Variants in MS4A13 observed in about 807,000 individuals in gnomAD.
The protein encoded by MS4A13 is membrane-spanning 4-domains subfamily A member 13.
A neutral mutation model predicts 18.4 loss-of-function variants in MS4A13; 21 were observed. The observed-to-expected ratio is 1.14, with a 90% CI of 0.81 to 1.64. The LOEUF (loss-of-function observed/expected upper bound fraction) is 1.64, where lower values mean the gene tolerates loss of function less well. Among genes scored for constraint, MS4A13 ranks in the 40% most tolerant of loss-of-function variants. The pLI, the probability that MS4A13 is intolerant of heterozygous loss-of-function variation, is 0.00. For missense variants in MS4A13, 173 were observed against 176.8 expected (o/e 0.98, Z 0.12); for synonymous variants, 62 against 57.2 (o/e 1.08, Z -0.38).
At position 60,529,255 on chromosome 11, in the gene MS4A13, C is replaced by CTTTTT. The variant is rs10667098; in HGVS notation, c.307-94_307-90dup. The CTTTTT allele has an allele frequency of 2.3e-4, 39 of 172,226 alleles. 1 individual carries two copies. Among genetic ancestry groups the CTTTTT allele is most frequent in the African/African-American group, 2.9e-4 (9 of 31,352 alleles). The allele number at this position is 172,226 out of a possible 1,614,324, so 10.7% of individuals were successfully genotyped here. A position where few individuals can be genotyped will look rare whatever the true frequency, so the allele number is the denominator to read the frequency against. On this transcript the variant is annotated intron_variant, in intron 5 of 6. Coordinates refer to ENST00000378186, the MANE Select transcript of MS4A13 (RefSeq NM_001012417.3). The stretch of plus-strand genomic sequence containing the variant: ...GGTTTATCTGTTCTTATTTTCCTTC[C>CTTTTT]TTTTTTTTTTTTTTTTTTTTGACTC...
intron 6 of MS4A13, among the ~76,000 whole-genome samples, chr11:60,540,655 G>A (rs7945371): frequency 0.28 from 42,905 of 151,936 alleles, 7,267 homozygotes; most frequent in Admixed American, 0.37. Flanking sequence ...AATAAAGAAA[G>A]AACACAATGG....
At chr11:60,532,318 C>T (rs962129910) in intron 6 of MS4A13, among the ~76,000 whole-genome samples, 4 of 152,210 alleles carry the variant, frequency 2.6e-5, no homozygotes, top group African/African-American at 9.6e-5. Flanking sequence ...TGTGCACGCA[C>T]CGTGCGCGAG....
intron 6 of MS4A13, among the ~76,000 whole-genome samples, chr11:60,532,693 C>G (rs1315665556): frequency 2.0e-5 from 3 of 149,052 alleles, no homozygotes; most frequent in African/African-American, 7.4e-5. Context: ...GCCTGCCTGC[C>G]TCTGTAGGCT....
chr11:60,518,031 A>C (rs2086648522), intron 2 of MS4A13, 41 bp from the exon 3 acceptor site: 1 of 1,474,522 alleles, frequency 6.8e-7, no homozygotes, highest in Non-Finnish European at 9.2e-7. Flanking sequence ...TTGTGTTTTA[A>C]ATTACATTAT....
chr11:60,531,664 A>G (rs1469248061), intron 6 of MS4A13, among the ~76,000 whole-genome samples: 1 of 152,218 alleles, frequency 6.6e-6, no homozygotes, highest in Non-Finnish European at 1.5e-5. Context: ...TCCAGAGGCT[A>G]GAAGTTCAAG....
At chr11:60,523,996 CAAAGCT>C in intron 4 of MS4A13, 43 bp downstream of exon 4, 1 of 1,184,778 alleles carries the variant, frequency 8.4e-7, no homozygotes, top group South Asian at 1.3e-5. Flanking sequence ...TCACTTATCA[CAAAGCT>C]AAATATTAAG....
At chr11:60,523,340 A>C (rs1327712043) in intron 3 of MS4A13, among the ~76,000 whole-genome samples, 1 of 152,248 alleles carries the variant, frequency 6.6e-6, no homozygotes, top group Non-Finnish European at 1.5e-5. Context: ...TTGGAAGTAG[A>C]CAGACTTCCT....
At chr11:60,530,174 T>C (rs2086755125) in intron 6 of MS4A13, among the ~76,000 whole-genome samples, 1 of 152,234 alleles carries the variant, frequency 6.6e-6, no homozygotes, top group Admixed American at 6.5e-5. Flanking sequence ...ACGGAGAGCA[T>C]GCTATTTGCT....
At chr11:60,538,177 TAA>T (rs1555025699) in intron 6 of MS4A13, among the ~76,000 whole-genome samples, 7 of 75,110 alleles carry the variant, frequency 9.3e-5, no homozygotes, top group African/African-American at 3.1e-4. Context: ...TAAAGTATAA[TAA>T]AAAAAAAAAA....
At chr11:60,517,706 A>G (rs1385855832) in intron 2 of MS4A13, among the ~76,000 whole-genome samples, 2 of 152,236 alleles carry the variant, frequency 1.3e-5, no homozygotes, top group African/African-American at 4.8e-5. Context: ...GGCTTCCTGC[A>G]TTATAGTAGA....
At chr11:60,531,142 C>T (rs1252853161) in intron 6 of MS4A13, among the ~76,000 whole-genome samples, 2 of 152,180 alleles carry the variant, frequency 1.3e-5, no homozygotes, top group Non-Finnish European at 2.9e-5. Flanking sequence ...AGCCTCATTG[C>T]TTGAGATGAC....
downstream of MS4A13, chr11:60,542,760 T>A (rs1478503962): frequency 3.1e-5 from 14 of 448,930 alleles, no homozygotes; most frequent in Non-Finnish European, 4.8e-5. Flanking sequence ...AAGGAAAGTT[T>A]TTCCCTATTT....
intron 2 of MS4A13, among the ~76,000 whole-genome samples, chr11:60,517,008 A>T (rs1156952355): frequency 7.6e-6 from 1 of 131,588 alleles, no homozygotes; most frequent in Admixed American, 7.4e-5. Context: ...ATAAAACAAT[A>T]AAAAAAAAAA....
chr11:60,523,690 G>T (rs2086692912), intron 3 of MS4A13, among the ~76,000 whole-genome samples: 1 of 152,134 alleles, frequency 6.6e-6, no homozygotes, highest in Non-Finnish European at 1.5e-5. Context: ...TGTCCCCTAT[G>T]TGTCTCTGTT....
At chr11:60,538,794 G>A (rs1279665533) in intron 6 of MS4A13, among the ~76,000 whole-genome samples, 8 of 138,704 alleles carry the variant, frequency 5.8e-5, no homozygotes, top group East Asian at 2.0e-4. Flanking sequence ...AAGCCCCTAA[G>A]CTCTTTAAAA....
intron 6 of MS4A13, among the ~76,000 whole-genome samples, chr11:60,531,524 C>T (rs1343425228): frequency 2.6e-5 from 4 of 152,206 alleles, no homozygotes; most frequent in Non-Finnish European, 4.4e-5. Context: ...GAATATATTG[C>T]TCAAGCTACA....
At chr11:60,524,763 C>T (rs2086701417) in intron 4 of MS4A13, among the ~76,000 whole-genome samples, 1 of 150,512 alleles carries the variant, frequency 6.6e-6, no homozygotes, top group Non-Finnish European at 1.5e-5. Flanking sequence ...CCTGGGTTTA[C>T]ACCATTCTGC....
chr11:60,522,141 G>A (rs1200652268), intron 3 of MS4A13, among the ~76,000 whole-genome samples: 1 of 151,902 alleles, frequency 6.6e-6, no homozygotes, highest in South Asian at 2.1e-4. Flanking sequence ...AATTATGGAA[G>A]CTACAAGATG....
In MS4A13 at chr11:60,518,108, A is replaced by C; in HGVS notation, c.25A>C (p.Met9Leu). 1.9e-6 allele frequency: 3 copies of C among 1,605,106 alleles called. No homozygotes were observed. Among genetic ancestry groups the C allele is most frequent in the African/African-American group, 1.3e-5 (1 of 74,764 alleles). The change falls in exon 3 of 7, where the codon ATG becomes CTG. Residue 9 changes from methionine to leucine, a missense_variant. Physicochemically the swap from Met to Leu is conservative, Grantham distance 15. Transcript: ENST00000378186. MIGIFHIFMWYFLLVLYMG... is the reference protein window; with the variant it reads MIGIFHIFLWYFLLVLYMG... ...TATGATTGGCATCTTTCACATTTTC[A>C]TGTGGTACTTTCTATTGGTTTTGTA...
Sources: gnomAD v4.1 joint callset for allele counts (sites outside exome capture counted in the v4.1 genomes callset) on GRCh38, gnomAD v4.1.1 for gene constraint, MANE v1.5 for transcripts, NCBI Gene and HGNC (gene_info 2026-07-23, HGNC 2026-07-21) for gene names.